The following PKD1L3 variants were observed in gnomAD, a reference collection of about 807,000 sequenced individuals.
PKD1L3 encodes the protein polycystin 1 like 3, transient receptor potential channel interacting.
A neutral mutation model predicts 184.1 loss-of-function variants in PKD1L3; 239 were observed. That is an observed-to-expected ratio of 1.30 (90% CI 1.17 to 1.45). The LOEUF (loss-of-function observed/expected upper bound fraction) is 1.45. Ranked by LOEUF, PKD1L3 falls within the 40% of genes most tolerant of loss-of-function variation. PKD1L3 has a pLI of 0.00. For synonymous variants in PKD1L3, 996 were observed against 778.8 expected (o/e 1.28, Z -4.64); for missense variants, 2,660 against 2,067.2 (o/e 1.29, Z -5.56).
chr16:71,989,292 T>C (rs1351003574), intron 4 of PKD1L3, among the ~76,000 whole-genome samples: 1 of 152,180 alleles, frequency 6.6e-6, no homozygotes, highest in Non-Finnish European at 1.5e-5. Flanking sequence ...GTAGCTGGGA[T>C]TACAGGCGCT....
rs1458206636 is a variant in PKD1L3, at chr16:71,999,889, C to T, written c.90G>A (p.Gly30=). 3.2e-6 allele frequency: 5 copies of T among 1,551,622 alleles called. No individual in the cohort carries two copies. In the Admixed American group the frequency reaches 9.8e-5, roughly 30 times the overall value. ...TGTTAAGCTGGTAACAATTATTTTG[C>T]CCATGTGGTGCTGGGCTGTTTAGCT... ...GSELNSPAPH[G]QNNCYQLNRF... Residue 30 remains glycine, a synonymous_variant, in exon 1 of 30, where the codon GGG becomes GGA. Coordinates refer to ENST00000620267, the MANE Select transcript of PKD1L3 (RefSeq NM_181536.2).
rs375937267 is a variant in PKD1L3 at position 71,934,115 on chromosome 16, A to T, written c.4624T>A (p.Phe1542Ile). The stretch of plus-strand genomic sequence containing the variant: ...GAGTTCACTTTTACTGCCTCATAGA[A>T]GCTGATGAATCTGCACCAAGGAAAG... ...YRDDQDRFISFYEAVKVNSAA... is the reference protein window; with the variant it reads ...YRDDQDRFISIYEAVKVNSAA... Residue 1542 changes from phenylalanine to isoleucine, a missense_variant, in exon 27 of 30, where the codon TTC (phenylalanine) becomes ATC (isoleucine). Transcript: ENST00000620267. 1.7e-5 allele frequency: 26 copies of T among 1,551,776 alleles called. No homozygotes were observed. The highest frequency in any genetic ancestry group is 2.2e-5 in the Non-Finnish European group (25 of 1,147,044).
intron 16 of PKD1L3, among the ~76,000 whole-genome samples, chr16:71,959,510 T>A (rs1474823449): frequency 6.6e-6 from 1 of 152,164 alleles, no homozygotes; most frequent in Non-Finnish European, 1.5e-5. Flanking sequence ...CTGTGAAATA[T>A]GAAAGGAAAA....
chr16:71,966,156 C>T lies in PKD1L3; in HGVS notation c.2465+981G>A, dbSNP rs552091355. 7.9e-4 allele frequency among the ~76,000 whole-genome samples: 120 copies of T among 152,234 alleles called. 2 individuals carry two copies. The highest frequency in any genetic ancestry group is 2.6e-4 in the Non-Finnish European group (18 of 68,008). On this transcript the variant is annotated intron_variant, in intron 15 of 29. Coordinates refer to ENST00000620267, the MANE Select transcript of PKD1L3 (RefSeq NM_181536.2). The stretch of plus-strand genomic sequence containing the variant: ...CTCTTTGTGGGTGGGCAACATGTGG[C>T]AACAGATTGAGTGCCTGAGCCTTAA...
intron 19 of PKD1L3, among the ~76,000 whole-genome samples, chr16:71,951,010 TG>T (rs2038809625): frequency 6.6e-6 from 1 of 151,570 alleles, no homozygotes. Flanking sequence ...CCCAAAATGC[TG>T]GGATTACAGG....
chr16:71,967,411 T>C (rs1266385112), intron 14 of PKD1L3, 96 bp from the exon 15 acceptor site: 1 of 1,194,740 alleles, frequency 8.4e-7, no homozygotes, highest in African/African-American at 1.5e-5. Context: ...GAAAACTATT[T>C]AGATCAAGTC....
chr16:71,930,021 C>A (rs34029919), intron 29 of PKD1L3, 31 bp downstream of exon 29: 2 of 1,537,024 alleles, frequency 1.3e-6, no homozygotes, highest in Non-Finnish European at 8.8e-7. Flanking sequence ...AGTGATATAA[C>A]AGCATGCTAG....
chr16:71,972,798 C>T (rs1461518282), intron 12 of PKD1L3, among the ~76,000 whole-genome samples: 1 of 152,152 alleles, frequency 6.6e-6, no homozygotes. Flanking sequence ...TTTGAGCAAC[C>T]AAACCAGGAC....
chr16:71,960,447 T>A (rs557067870), intron 16 of PKD1L3, among the ~76,000 whole-genome samples: 2 of 151,616 alleles, frequency 1.3e-5, no homozygotes, highest in South Asian at 2.1e-4. Context: ...GAACAAACAA[T>A]AGAAATAATA....
At chr16:71,972,505 G>A (rs970586634) in intron 12 of PKD1L3, among the ~76,000 whole-genome samples, 4 of 152,222 alleles carry the variant, frequency 2.6e-5, no homozygotes, top group African/African-American at 9.6e-5. Flanking sequence ...GCACCATGGC[G>A]AGACCCTGTC....
intron 19 of PKD1L3, among the ~76,000 whole-genome samples, chr16:71,951,023 G>A (rs900043451): frequency 7.2e-5 from 11 of 151,810 alleles, no homozygotes; most frequent in African/African-American, 2.2e-4. Flanking sequence ...GATTACAGGC[G>A]TGAGCCACCC....
intron 21 of PKD1L3, among the ~76,000 whole-genome samples, chr16:71,947,972 A>G (rs956892634): frequency 4.7e-5 from 7 of 150,316 alleles, no homozygotes; most frequent in Non-Finnish European, 8.8e-5. Context: ...GCTGGAATGC[A>G]GTGGCGCAAT....
chr16:71,947,518 T>A lies in PKD1L3; in HGVS notation c.3692A>T (p.Gln1231Leu). ...MPRLNKENEQ[Q>L]TKRILALLAK... ...CAAGAGTGCCAAGATCCTCTTTGTT[T>A]GTTGTTCATTCTCTTTGTTAAGCCG... Residue 1231 changes from glutamine (Q) to leucine (L), a missense_variant, in exon 22 of 30, where the codon CAA (glutamine) becomes CTA (leucine). Transcript: ENST00000620267. The A allele has an allele frequency of 6.6e-7, 1 of 1,521,996 alleles. No individual in the cohort carries two copies. Among genetic ancestry groups the A allele is most frequent in the African/African-American group, 1.4e-5 (1 of 70,194 alleles). 94.3% of individuals were successfully genotyped at this position (1,521,996 alleles called of 1,614,324 possible). A position where few individuals can be genotyped will look rare whatever the true frequency, so the allele number is the denominator to read the frequency against.
chr16:71,998,924 T>A (rs528549224), intron 1 of PKD1L3, among the ~76,000 whole-genome samples: 9 of 152,308 alleles, frequency 5.9e-5, no homozygotes, highest in Non-Finnish European at 1.0e-4. Flanking sequence ...AATGATATAA[T>A]AATGGCTTGG....
Position 71,981,922 on chromosome 16 carries a change from T to C in PKD1L3, c.1143+137A>G, listed in dbSNP as rs1389913505. 5 of 957,932 alleles carry C rather than the reference T, an allele frequency of 5.2e-6. No homozygotes were observed. The Middle Eastern group carries it at 1.1e-3, about 203-fold the overall frequency. The allele number at this position is 957,932 out of a possible 1,614,324, so 59.3% of individuals were successfully genotyped here. ...GGGGAGGGAGACCTTGGAGAAGGCA[T>C]GGCAGAGGAGTTTCTTCTGCAGCAG... On this transcript the variant is annotated intron_variant, in intron 7 of 29. Transcript: ENST00000620267.
rs148675580 is a variant in PKD1L3 at position 71,942,769 on chromosome 16, G to C, written c.4115C>G (p.Thr1372Ser). Residue 1372 changes from threonine to serine, a missense_variant, in exon 24 of 30, where the codon ACC becomes AGC. By Grantham distance (58) the Thr-to-Ser change is moderately conservative (BLOSUM62 1). Transcript: ENST00000620267. ...TTCGTCCACTTTCTCATAGGTCTTG[G>C]TACGGGGTATTTGGAAAATTAATTG... ...GVQLIFQIPR[T>S]KTYEKVDEGQ... 3.9e-6 allele frequency: 6 copies of C among 1,551,568 alleles called. No homozygotes were observed. Among genetic ancestry groups the C allele is most frequent in the Non-Finnish European group, 4.4e-6 (5 of 1,146,998 alleles).
At chr16:71,968,293 C>CT (rs1567525175) in intron 13 of PKD1L3, among the ~76,000 whole-genome samples, 6 of 152,208 alleles carry the variant, frequency 3.9e-5, no homozygotes, top group Non-Finnish European at 7.3e-5. Context: ...CACTTAGGTA[C>CT]AGTCACCAGA....
intron 12 of PKD1L3, among the ~76,000 whole-genome samples, chr16:71,970,559 G>C (rs1597341144): frequency 6.6e-6 from 1 of 152,286 alleles, no homozygotes. Context: ...TGTAATCCTA[G>C]CACTTTGGGA....
At chr16:71,998,992 C>T (rs2143923182) in intron 1 of PKD1L3, among the ~76,000 whole-genome samples, 1 of 152,148 alleles carries the variant, frequency 6.6e-6, no homozygotes, top group East Asian at 1.9e-4. Flanking sequence ...TTTGTAAGGG[C>T]CGGGCGCGGT....
Sources: allele counts gnomAD v4.1 joint callset (sites outside exome capture counted in the v4.1 genomes callset), GRCh38; gene constraint gnomAD v4.1.1; transcripts MANE v1.5; gene names NCBI Gene and HGNC (gene_info 2026-07-23, HGNC 2026-07-21).